Variants in DNAH8 observed in about 807,000 individuals in gnomAD.
DNAH8 encodes axonemal beta dynein heavy chain 8.
A neutral mutation model predicts 562.1 loss-of-function variants in DNAH8; 382 were observed. That is an observed-to-expected ratio of 0.68 (90% CI 0.63 to 0.74). The LOEUF (loss-of-function observed/expected upper bound fraction) is 0.74. Ranked by LOEUF, DNAH8 falls within the 30% of genes least tolerant of loss-of-function variation. DNAH8 has a pLI of 0.00. For missense variants in DNAH8, 5,203 were observed against 5,620.4 expected (o/e 0.93, Z 2.37); for synonymous variants, 1,881 against 1,919.4 (o/e 0.98, Z 0.52).
intron 1 of DNAH8, among the ~76,000 whole-genome samples, chr6:38,717,085 G>A (rs1195713816): frequency 5.3e-5 from 8 of 152,124 alleles, no homozygotes; most frequent in Non-Finnish European, 8.8e-5. Context: ...GATTGTGTAC[G>A]CCTTTAGTCC....
chr6:38,745,792 A>C (rs1764879074), intron 8 of DNAH8, among the ~76,000 whole-genome samples: 1 of 152,122 alleles, frequency 6.6e-6, no homozygotes, highest in Non-Finnish European at 1.5e-5. Flanking sequence ...TATTTAGGAG[A>C]ATGTCTCTCA....
chr6:38,794,641 T>G (rs1433193611), intron 21 of DNAH8, among the ~76,000 whole-genome samples: 1 of 152,246 alleles, frequency 6.6e-6, no homozygotes. Context: ...GAACTTCATG[T>G]AAATGGAATG....
intron 14 of DNAH8, among the ~76,000 whole-genome samples, chr6:38,779,102 T>C (rs972077554): frequency 6.6e-6 from 1 of 152,016 alleles, no homozygotes; most frequent in African/African-American, 2.4e-5. Context: ...AATCCCAGAT[T>C]AGAGGGCTGA....
chr6:38,826,456 A>G (rs182315632), intron 29 of DNAH8, 65 bp downstream of exon 29: 3 of 977,786 alleles, frequency 3.1e-6, no homozygotes, highest in African/African-American at 3.3e-5. Context: ...ATAGAGACAC[A>G]CTAAGAAAGT....
intron 17 of DNAH8, among the ~76,000 whole-genome samples, chr6:38,783,875 T>A (rs547315214): frequency 6.6e-6 from 1 of 152,204 alleles, no homozygotes; most frequent in Admixed American, 6.5e-5. Context: ...TAGAAAGGTT[T>A]CTCCCTCCCA....
At chr6:39,004,752 T>C (rs1396788349) in intron 88 of DNAH8, among the ~76,000 whole-genome samples, 1 of 152,240 alleles carries the variant, frequency 6.6e-6, no homozygotes, top group Non-Finnish European at 1.5e-5. Flanking sequence ...ATTTACCTTT[T>C]CTGGACATTT....
intron 82 of DNAH8, among the ~76,000 whole-genome samples, chr6:38,971,235 A>G (rs1763323331): frequency 2.0e-5 from 3 of 152,190 alleles, no homozygotes; most frequent in Admixed American, 2.0e-4. Flanking sequence ...GCAAAACTAA[A>G]AAATCCTTTT....
chr6:38,715,960 ATTTTT>A lies in DNAH8; in HGVS notation c.-35+557_-35+561del, dbSNP rs869120118. 6.3e-4 allele frequency among the ~76,000 whole-genome samples: 15 copies of A among 23,626 alleles called. 1 individual carries two copies. Among genetic ancestry groups the A allele is most frequent in the South Asian group, 4.6e-3 (3 of 652 alleles). 15.5% of individuals were successfully genotyped at this position (23,626 alleles called of 152,430 possible). ...TATATATATATATATATATATATATATTTTTTTTTTTTTTTTGAGACGGAGTCTCA... is the reference window on the plus strand; with the variant it reads ...TATATATATATATATATATATATATATTTTTTTTTTTGAGACGGAGTCTCA... On this transcript the variant is annotated intron_variant, in intron 1 of 92. Transcript: ENST00000327475.
chr6:38,927,329 C>T (rs537405856), intron 74 of DNAH8, among the ~76,000 whole-genome samples: 64 of 152,302 alleles, frequency 4.2e-4, no homozygotes, highest in Non-Finnish European at 7.6e-4. Flanking sequence ...AAGATTTCCT[C>T]CTGAGATCAG....
intron 3 of DNAH8, among the ~76,000 whole-genome samples, chr6:38,729,005 C>G (rs974665549): frequency 2.6e-5 from 4 of 152,128 alleles, no homozygotes; most frequent in Non-Finnish European, 5.9e-5. Flanking sequence ...CAGTTCAAGA[C>G]CAGCCTGGCC....
At chr6:38,734,361 G>A in intron 4 of DNAH8, 113 bp from the exon 5 acceptor site, 1 of 1,165,630 alleles carries the variant, frequency 8.6e-7, no homozygotes, top group Admixed American at 3.9e-5. Context: ...TGACCGTATT[G>A]AAAACTTCTT....
At chr6:38,968,555 G>A (rs563028278) in intron 82 of DNAH8, among the ~76,000 whole-genome samples, 1 of 152,098 alleles carries the variant, frequency 6.6e-6, no homozygotes, top group East Asian at 1.9e-4. Flanking sequence ...TAGTTATTAG[G>A]GAAATGCAAA....
Position 38,752,603 on chromosome 6 carries a change from G to C in DNAH8, c.1407+2014G>C, listed in dbSNP as rs1409601865. Among the ~76,000 whole-genome samples the C allele has an allele frequency of 4.7e-5, 7 of 148,180 alleles. No homozygotes were observed. The East Asian group carries it at 5.8e-4, about 12-fold the overall frequency. On this transcript the variant is annotated intron_variant, in intron 9 of 92. Coordinates refer to ENST00000327475, the MANE Select transcript of DNAH8 (RefSeq NM_001206927.2). ...TGACCAACCTTCTTGGGTCAATGTA[G>C]GTTTCATCCCAGAGGCAGGGAGAAG...
In DNAH8 at chr6:38,755,209, A is replaced by T. The variant is rs1171674999; in HGVS notation, c.1408-763A>T. 2.0e-5 allele frequency among the ~76,000 whole-genome samples: 3 copies of T among 152,294 alleles called. No homozygotes were observed. In the East Asian group the frequency reaches 5.8e-4, roughly 29 times the overall value. On this transcript the variant is annotated intron_variant, in intron 9 of 92. Coordinates refer to ENST00000327475, the MANE Select transcript of DNAH8 (RefSeq NM_001206927.2). ...ACAGAAAATAATGGTGCAATCTTACAATCCGTGATGTTTTATATCTGATGT... is the reference window on the plus strand; with the variant it reads ...ACAGAAAATAATGGTGCAATCTTACTATCCGTGATGTTTTATATCTGATGT...
intron 21 of DNAH8, among the ~76,000 whole-genome samples, chr6:38,799,174 A>G (rs550731029): frequency 3.0e-4 from 46 of 152,248 alleles, no homozygotes; most frequent in African/African-American, 7.7e-4. Context: ...TTCATAATTA[A>G]AATCATGTAA....
chr6:38,722,674 G>A, intron 1 of DNAH8, 102 bp from the exon 2 acceptor site: 1 of 970,658 alleles, frequency 1.0e-6, no homozygotes, highest in Non-Finnish European at 1.5e-6. Context: ...TGGCAAGGGA[G>A]AACTTAATGA....
At chr6:38,827,104 G>A (rs1419495118) in intron 29 of DNAH8, among the ~76,000 whole-genome samples, 1 of 152,038 alleles carries the variant, frequency 6.6e-6, no homozygotes, top group African/African-American at 2.4e-5. Flanking sequence ...CTCATGGTTG[G>A]TTCCCTTCTA....
rs1207669310 is a variant in DNAH8, at chr6:38,826,404, T to A, written c.4083+13T>A. 1 of 1,528,668 alleles carries A rather than the reference T, an allele frequency of 6.5e-7. No homozygotes were observed. Among genetic ancestry groups the A allele is most frequent in the African/African-American group, 1.4e-5 (1 of 70,696 alleles). The allele number at this position is 1,528,668 out of a possible 1,614,324, so 94.7% of individuals were successfully genotyped here. The stretch of plus-strand genomic sequence containing the variant: ...GGGACCAATTGAAGTAAGAAATGAT[T>A]GCATTTTTTTTTCTTGGAATGCTTT... On this transcript the variant is annotated intron_variant, in intron 29 of 92. Transcript: ENST00000327475.
At chr6:38,775,053 C>CT (rs1767930932) in intron 12 of DNAH8, among the ~76,000 whole-genome samples, 1 of 152,286 alleles carries the variant, frequency 6.6e-6, no homozygotes, top group Admixed American at 6.5e-5. Flanking sequence ...GGAAGATTCT[C>CT]TGAAAATAGG....
Sources: allele counts gnomAD v4.1 joint callset (sites outside exome capture counted in the v4.1 genomes callset), GRCh38; gene constraint gnomAD v4.1.1; transcripts MANE v1.5; gene names NCBI Gene and HGNC (gene_info 2026-07-23, HGNC 2026-07-21).